The following FOXP2 variants were observed in gnomAD, a reference collection of about 807,000 sequenced individuals.
FOXP2 encodes the protein forkhead box P2, also known as forkhead box protein P2.
Under a neutral mutation model 115.8 loss-of-function variants are expected in FOXP2, and 12 were observed. The observed-to-expected ratio is 0.10, with a 90% CI of 0.07 to 0.17. The LOEUF (loss-of-function observed/expected upper bound fraction) is 0.17, where lower values mean the gene tolerates loss of function less well. Ranked by LOEUF, FOXP2 falls within the 10% of genes least tolerant of loss-of-function variation. The pLI is 1.00. For synonymous variants in FOXP2, 328 were observed against 297.7 expected (o/e 1.10, Z -1.05); for missense variants, 629 against 843.5 (o/e 0.75, Z 3.15).
chr7:114,660,302 A>G (rs1806796908), intron 13 of FOXP2, among the ~76,000 whole-genome samples: 1 of 152,222 alleles, frequency 6.6e-6, no homozygotes, highest in East Asian at 1.9e-4. Flanking sequence ...TTTTTGGAAA[A>G]GAGCAACGTC....
intron 1 of FOXP2, among the ~76,000 whole-genome samples, chr7:114,100,662 A>G (rs760429401): frequency 2.6e-5 from 4 of 152,154 alleles, no homozygotes; most frequent in Non-Finnish European, 4.4e-5. Context: ...CAATTATTTT[A>G]AAAATATTGA....
intron 16 of FOXP2, among the ~76,000 whole-genome samples, chr7:114,684,169 C>A (rs1316015843): frequency 6.6e-6 from 1 of 152,134 alleles, no homozygotes; most frequent in East Asian, 1.9e-4. Flanking sequence ...CTAAATAATA[C>A]ATCCTATTTG....
intron 1 of FOXP2, among the ~76,000 whole-genome samples, chr7:114,101,489 G>A (rs1790955138): frequency 6.6e-6 from 1 of 152,020 alleles, no homozygotes; most frequent in South Asian, 2.1e-4. Context: ...TACTTATCTA[G>A]TAACAGTGTC....
In FOXP2 at chr7:114,617,955, C is replaced by T. The variant is rs565880486; in HGVS notation, c.259-10585C>T. ...CTTGCCATTGCACAAAACCATCCTG[C>T]TTTCACCTAGAAAAGGCCTGCTTTT... On this transcript the variant is annotated intron_variant, in intron 3 of 16. Transcript: ENST00000350908. 1.5e-3 allele frequency among the ~76,000 whole-genome samples: 233 copies of T among 152,328 alleles called. 2 individuals carry two copies. The South Asian group carries it at 0.03, about 20-fold the overall frequency.
chr7:114,316,667 CAA>C (rs1797285238), intron 2 of FOXP2, among the ~76,000 whole-genome samples: 1 of 151,894 alleles, frequency 6.6e-6, no homozygotes, highest in Admixed American at 6.6e-5. Flanking sequence ...AGAGCATTCC[CAA>C]GAGAGGAAAC....
chr7:114,217,667 C>T (rs1794521083), intron 1 of FOXP2, among the ~76,000 whole-genome samples: 1 of 152,114 alleles, frequency 6.6e-6, no homozygotes, highest in African/African-American at 2.4e-5. Context: ...GTGGTCTTGC[C>T]ACTGGAATCA....
At chr7:114,356,603 G>A (rs912196305) in intron 2 of FOXP2, among the ~76,000 whole-genome samples, 20 of 152,062 alleles carry the variant, frequency 1.3e-4, no homozygotes, top group African/African-American at 4.6e-4. Flanking sequence ...CAAAAGCTTG[G>A]GTTCAAAATC....
chr7:114,557,721 T>C (rs1474618019), intron 3 of FOXP2, among the ~76,000 whole-genome samples: 1 of 152,150 alleles, frequency 6.6e-6, no homozygotes, highest in Non-Finnish European at 1.5e-5. Flanking sequence ...TCAGATAAGT[T>C]ATATTGTAGT....
intron 2 of FOXP2, among the ~76,000 whole-genome samples, chr7:114,323,558 T>C (rs890064740): frequency 6.6e-5 from 10 of 152,138 alleles, no homozygotes; most frequent in African/African-American, 2.4e-4. Context: ...GTTACAATGA[T>C]TTATCCCCCA....
chr7:114,458,147 T>G (rs1001526316), intron 2 of FOXP2, among the ~76,000 whole-genome samples: 8 of 152,276 alleles, frequency 5.3e-5, no homozygotes, highest in African/African-American at 1.7e-4. Context: ...CTAAAATATC[T>G]GAACATATGG....
intron 2 of FOXP2, among the ~76,000 whole-genome samples, chr7:114,366,338 C>T (rs189923624): frequency 4.9e-4 from 75 of 152,240 alleles, no homozygotes; most frequent in African/African-American, 1.7e-3. Context: ...TTATTTTCCC[C>T]TTGTGTGTTC....
At chr7:114,552,494 CCT>C (rs2129287807) in intron 3 of FOXP2, among the ~76,000 whole-genome samples, 1 of 152,200 alleles carries the variant, frequency 6.6e-6, no homozygotes, top group Non-Finnish European at 1.5e-5. Flanking sequence ...AAAAAATTAT[CCT>C]TTTTTATGTG....
intron 2 of FOXP2, among the ~76,000 whole-genome samples, chr7:114,406,345 A>G (rs1793036861): frequency 6.6e-6 from 1 of 151,972 alleles, no homozygotes; most frequent in South Asian, 2.1e-4. Flanking sequence ...AGAATAAGTT[A>G]CAGTTATTTT....
intron 1 of FOXP2, among the ~76,000 whole-genome samples, chr7:114,284,229 T>G (rs1796409031): frequency 6.6e-6 from 1 of 151,874 alleles, no homozygotes; most frequent in Non-Finnish European, 1.5e-5. Context: ...TGCCTAAGCT[T>G]CAACTGGGTG....
chr7:114,386,204 G>T lies in FOXP2; in HGVS notation c.-10-40298G>T, dbSNP rs562950860. ...GATGGTGAGCGAAAGCTCAGCTCGA[G>T]CCATAACAAATGTGGACCAGAAGAG... On this transcript the variant is annotated intron_variant, in intron 2 of 17. Coordinates refer to the FOXP2 transcript ENST00000634411. 2.0e-5 allele frequency among the ~76,000 whole-genome samples: 3 copies of T among 152,298 alleles called. No individual in the cohort carries two copies. In the South Asian group the frequency reaches 6.2e-4, roughly 32 times the overall value.
At chr7:114,477,852 A>C (rs1796352983) in intron 2 of FOXP2, among the ~76,000 whole-genome samples, 1 of 151,850 alleles carries the variant, frequency 6.6e-6, no homozygotes, top group Non-Finnish European at 1.5e-5. Flanking sequence ...TTAAATAGGA[A>C]TGGGCAGGTA....
chr7:114,386,745 T>A (rs1792465056), intron 2 of FOXP2, among the ~76,000 whole-genome samples: 1 of 152,222 alleles, frequency 6.6e-6, no homozygotes. Flanking sequence ...TCTTAAACTA[T>A]TTGGGGATCA....
At chr7:114,455,531 C>G (rs1441593718) in intron 2 of FOXP2, among the ~76,000 whole-genome samples, 2 of 152,174 alleles carry the variant, frequency 1.3e-5, no homozygotes, top group Admixed American at 6.5e-5. Context: ...ATGGAAGCAC[C>G]TGTTGGACTT....
At chr7:114,351,708 A>C (rs1337977145) in intron 2 of FOXP2, among the ~76,000 whole-genome samples, 1 of 152,110 alleles carries the variant, frequency 6.6e-6, no homozygotes. Flanking sequence ...TATGTAGTAA[A>C]TGTTAATGGC....
Sources: allele counts gnomAD v4.1 joint callset (sites outside exome capture counted in the v4.1 genomes callset), GRCh38; gene constraint gnomAD v4.1.1; transcripts MANE v1.5; gene names NCBI Gene and HGNC (gene_info 2026-07-23, HGNC 2026-07-21).